Variants in PCDH15 observed in about 807,000 individuals in gnomAD.
The protein encoded by PCDH15 is protocadherin related 15.
In PCDH15, 129 loss-of-function variants were observed where a neutral mutation model predicts 178.5. That is an observed-to-expected ratio of 0.72 (90% CI 0.63 to 0.84). PCDH15 has a LOEUF of 0.84. Ranked by LOEUF, PCDH15 falls within the 40% of genes least tolerant of loss-of-function variation. The pLI is 0.00. For missense variants in PCDH15, 2,230 were observed against 2,099.9 expected, an observed-to-expected ratio of 1.06 and a Z score of -1.21; for synonymous variants, 800 against 732.0, an observed-to-expected ratio of 1.09 and a Z score of -1.50.
chr10:54,652,719 C>G (rs1311362947), intron 2 of PCDH15, among the ~76,000 whole-genome samples: 1 of 152,170 alleles, frequency 6.6e-6, no homozygotes, highest in Admixed American at 6.5e-5. Context: ...GGGTAGATAT[C>G]TGAAAGCCAA....
chr10:54,308,994 A>G (rs1409053175), intron 8 of PCDH15, among the ~76,000 whole-genome samples: 2 of 152,092 alleles, frequency 1.3e-5, no homozygotes, highest in Non-Finnish European at 2.9e-5. Flanking sequence ...CGATCTTCGC[A>G]TTAAAAGGCT....
chr10:54,735,090 A>G (rs939704608), intron 1 of PCDH15, among the ~76,000 whole-genome samples: 1 of 152,040 alleles, frequency 6.6e-6, no homozygotes, highest in African/African-American at 2.4e-5. Context: ...ACTTTTAAAA[A>G]ACATCTGGTA....
At chr10:54,167,700 G>A (rs903880707) in intron 13 of PCDH15, among the ~76,000 whole-genome samples, 6 of 110,422 alleles carry the variant, frequency 5.4e-5, no homozygotes, top group East Asian at 4.1e-4. Flanking sequence ...AGCAAGTCCC[G>A]CTTTTCTACA....
At chr10:54,826,020 C>G (rs952915772) in intron 3 of PCDH15, among the ~76,000 whole-genome samples, 1 of 152,000 alleles carries the variant, frequency 6.6e-6, no homozygotes, top group Non-Finnish European at 1.5e-5. Flanking sequence ...TCCAAACTTT[C>G]TGATAAAAAT....
At chr10:53,998,791 T>C (rs1296170259) in intron 20 of PCDH15, among the ~76,000 whole-genome samples, 42 of 151,858 alleles carry the variant, frequency 2.8e-4, no homozygotes, top group Admixed American at 2.8e-3. Context: ...GTGGCTCGCA[T>C]CTGTAATTCC....
At chr10:53,942,062 G>T (rs1298019067) in intron 23 of PCDH15, among the ~76,000 whole-genome samples, 1 of 152,126 alleles carries the variant, frequency 6.6e-6, no homozygotes, top group African/African-American at 2.4e-5. Flanking sequence ...AAATTGCTTT[G>T]TTTTTGGTAC....
At chr10:54,113,894 C>G (rs913733212) in intron 15 of PCDH15, among the ~76,000 whole-genome samples, 2 of 151,990 alleles carry the variant, frequency 1.3e-5, no homozygotes, top group Admixed American at 6.6e-5. Flanking sequence ...TGGTGGAAGG[C>G]AGAGGAGGAG....
At chr10:53,859,867 C>A (rs2078987240) in intron 27 of PCDH15, among the ~76,000 whole-genome samples, 1 of 152,026 alleles carries the variant, frequency 6.6e-6, no homozygotes, top group Non-Finnish European at 1.5e-5. Flanking sequence ...GATTCAGCAG[C>A]CTCAGAGGAA....
intron 1 of PCDH15, among the ~76,000 whole-genome samples, chr10:54,666,978 C>T (rs1340733669): frequency 6.6e-6 from 1 of 151,902 alleles, no homozygotes; most frequent in Admixed American, 6.6e-5. Flanking sequence ...ATTATTATGC[C>T]TCCAGAAACA....
Position 55,496,795 on chromosome 10 carries a change from C to T in PCDH15, c.-156+130830G>A, listed in dbSNP as rs547369690. On this transcript the variant is annotated intron_variant, in intron 2 of 5. Transcript: ENST00000613346. ...ATATGAAAAAGCCAAATGTGAAAGA[C>T]GAATAATCTTAATATATTGTTTTAA... is the stretch of plus-strand genomic sequence containing the variant. 5.3e-5 allele frequency among the ~76,000 whole-genome samples: 8 copies of T among 151,806 alleles called. No individual in the cohort carries two copies. The South Asian group carries it at 6.2e-4, about 12-fold the overall frequency.
At chr10:54,076,701 G>C (rs1279074532) in intron 17 of PCDH15, among the ~76,000 whole-genome samples, 2 of 151,842 alleles carry the variant, frequency 1.3e-5, no homozygotes, top group Non-Finnish European at 1.5e-5. Flanking sequence ...ATTTAGAAAA[G>C]GACAGTCAAA....
chr10:53,832,179 T>G (rs1376055159), intron 29 of PCDH15, among the ~76,000 whole-genome samples: 1 of 151,858 alleles, frequency 6.6e-6, no homozygotes, highest in African/African-American at 2.4e-5. Context: ...ATGATGCGAG[T>G]AGTATATCAG....
At chr10:55,539,717 C>T (rs779002632) in intron 2 of PCDH15, among the ~76,000 whole-genome samples, 1 of 152,024 alleles carries the variant, frequency 6.6e-6, no homozygotes, top group Non-Finnish European at 1.5e-5. Flanking sequence ...AGAGTTTTCA[C>T]ACTATATATC....
At chr10:55,157,595 C>T (rs1246219192) in intron 2 of PCDH15, among the ~76,000 whole-genome samples, 1 of 151,230 alleles carries the variant, frequency 6.6e-6, no homozygotes, top group Admixed American at 6.6e-5. Context: ...GAAAATGTGG[C>T]ACATATACAC....
At chr10:53,809,987 G>T (rs2075807106) in intron 37 of PCDH15, among the ~76,000 whole-genome samples, 1 of 152,020 alleles carries the variant, frequency 6.6e-6, no homozygotes, top group Non-Finnish European at 1.5e-5. Flanking sequence ...ATGAAATTTT[G>T]CACATGTTAA....
intron 15 of PCDH15, among the ~76,000 whole-genome samples, chr10:54,120,849 T>A (rs1590609872): frequency 6.6e-6 from 1 of 151,772 alleles, no homozygotes; most frequent in African/African-American, 2.4e-5. Context: ...GTGAGGGAGA[T>A]CAAGACCCCA....
chr10:54,835,566 CCCCACCTTGATGCACAT>C (rs1953301939), intron 3 of PCDH15, among the ~76,000 whole-genome samples: 2 of 152,210 alleles, frequency 1.3e-5, no homozygotes, highest in African/African-American at 2.4e-5. Flanking sequence ...ACATACACAT[CCCCACCTTGATGCACAT>C]GGAAACCAAC....
chr10:55,306,335 C>G (rs1028956860), intron 1 of PCDH15, among the ~76,000 whole-genome samples: 1 of 152,178 alleles, frequency 6.6e-6, no homozygotes, highest in Non-Finnish European at 1.5e-5. Flanking sequence ...ATGTTTTACA[C>G]TTGGGCTTTG....
intron 1 of PCDH15, among the ~76,000 whole-genome samples, chr10:55,204,365 T>C (rs1402915049): frequency 6.6e-6 from 1 of 151,454 alleles, no homozygotes; most frequent in Non-Finnish European, 1.5e-5. Context: ...TATATATACA[T>C]ATGTACGTGT....
Sources: gnomAD v4.1 joint callset for allele counts (sites outside exome capture counted in the v4.1 genomes callset) on GRCh38, gnomAD v4.1.1 for gene constraint, MANE v1.5 for transcripts, NCBI Gene and HGNC (gene_info 2026-07-23, HGNC 2026-07-21) for gene names.